Variants in BACH2 observed in about 807,000 individuals in gnomAD.
BACH2 encodes the protein transcription regulator protein BACH2.
Under a neutral mutation model 61.8 loss-of-function variants are expected in BACH2, and 5 were observed. The observed-to-expected ratio is 0.08, with a 90% confidence interval of 0.04 to 0.17. The LOEUF (loss-of-function observed/expected upper bound fraction) is 0.17. Ranked by LOEUF, BACH2 falls within the 10% of genes least tolerant of loss-of-function variation. The pLI is 1.00. For synonymous variants in BACH2, 446 were observed against 440.1 expected (o/e 1.01, Z -0.17); for missense variants, 824 against 1,091.1 (o/e 0.76, Z 3.45).
At position 90,008,983 on chromosome 6, in the gene BACH2, A is replaced by T; in HGVS notation, c.-12-127T>A. Reference sequence around the variant, plus strand: ...GTCCCACTGCCATGAGCATGGCAGGAAGGAGGGGAATTACCAATCAGCATA... The same window carrying T: ...GTCCCACTGCCATGAGCATGGCAGGTAGGAGGGGAATTACCAATCAGCATA... On this transcript the variant is annotated intron_variant, in intron 5 of 8. Coordinates refer to ENST00000257749, the MANE Select transcript of BACH2 (RefSeq NM_021813.4). The surrounding 1 kb of genome is among the most constrained non-coding windows in gnomAD (Gnocchi z 4.1). 1 of 1,111,002 alleles carries T rather than the reference A, an allele frequency of 9.0e-7. No homozygotes were observed. The highest frequency in any genetic ancestry group is 1.3e-6 in the Non-Finnish European group (1 of 796,266). The allele number at this position is 1,111,002 out of a possible 1,614,324, so 68.8% of individuals were successfully genotyped here. A position where few individuals can be genotyped will look rare whatever the true frequency, so the allele number is the denominator to read the frequency against.
chr6:90,057,027 T>C (rs1218452311), intron 5 of BACH2, among the ~76,000 whole-genome samples: 2 of 151,842 alleles, frequency 1.3e-5, no homozygotes, highest in Non-Finnish European at 2.9e-5. Context: ...GCAGGAGAGA[T>C]CTAAAATTGA....
In BACH2 at chr6:90,107,662, G is replaced by C. The variant is rs574080877; in HGVS notation, c.-161-18553C>G. Among the ~76,000 whole-genome samples, 12 of 120,952 alleles carry C rather than the reference G, an allele frequency of 9.9e-5. 1 individual carries two copies. The East Asian group carries it at 2.1e-3, about 21-fold the overall frequency. The allele number at this position is 120,952 out of a possible 152,430, so 79.3% of individuals were successfully genotyped here. A position where few individuals can be genotyped will look rare whatever the true frequency, so the allele number is the denominator to read the frequency against. On this transcript the variant is annotated intron_variant, in intron 4 of 8. Transcript: ENST00000257749. ...TTTATTTCCCACATTCTCTATTTGT[G>C]ATTTTTTTTTTTTTTTTTTTAGTGG... is the stretch of plus-strand genomic sequence containing the variant.
intron 4 of BACH2, among the ~76,000 whole-genome samples, chr6:90,103,585 C>T (rs1401749147): frequency 2.0e-5 from 3 of 152,168 alleles, no homozygotes; most frequent in Non-Finnish European, 4.4e-5. Flanking sequence ...CATCAGTTCC[C>T]TTTACGCCCT....
intron 5 of BACH2, among the ~76,000 whole-genome samples, chr6:90,031,756 T>C (rs989517489): frequency 6.6e-6 from 1 of 152,130 alleles, no homozygotes; most frequent in Non-Finnish European, 1.5e-5. Context: ...GAAGAATCAA[T>C]ATCATGAAAA....
In BACH2 at chr6:89,950,506, C is replaced by T. The variant is rs1432629832; in HGVS notation, c.1600G>A (p.Gly534Arg). Residue 534 changes from glycine to arginine, a missense_variant, in exon 7 of 9, where the codon GGG (glycine) becomes AGG (arginine). Physicochemically the swap from Gly to Arg is moderately radical, Grantham distance 125. Transcript: ENST00000257749. The surrounding 1 kb of genome is among the most constrained non-coding windows in gnomAD (Gnocchi z 5.3). ...SSYSYAEDGS[G>R]GSPCSLPLCE... ...AGAGGGAGGCTGCAGGGTGAGCCCC[C>T]GCTCCCGTCCTCCGCGTAGGAATAG... 4.3e-6 allele frequency: 7 copies of T among 1,613,782 alleles called. No homozygotes were observed. The highest frequency in any genetic ancestry group is 1.7e-5 in the Admixed American group (1 of 59,984).
In BACH2 at chr6:90,230,143, G is replaced by A. The variant is rs1770047595; in HGVS notation, c.-275+22370C>T. ...CACAGGCAGAGAGGTTTTGAGAAAG[G>A]ATGCTGAGGCCATACTACGTGGGTT... On this transcript the variant is annotated intron_variant, in intron 3 of 8. Coordinates refer to ENST00000257749, the MANE Select transcript of BACH2 (RefSeq NM_021813.4). Among the ~76,000 whole-genome samples the A allele has an allele frequency of 3.9e-5, 6 of 152,312 alleles. No individual in the cohort carries two copies. The South Asian group carries it at 1.2e-3, about 32-fold the overall frequency.
intron 4 of BACH2, among the ~76,000 whole-genome samples, chr6:90,188,101 T>A (rs930919904): frequency 1.3e-5 from 2 of 152,250 alleles, no homozygotes; most frequent in Non-Finnish European, 2.9e-5. Flanking sequence ...GCTGTCATAA[T>A]CAGGAACATC....
intron 2 of BACH2, among the ~76,000 whole-genome samples, chr6:90,260,000 C>T (rs1005946845): frequency 6.6e-6 from 1 of 151,436 alleles, no homozygotes; most frequent in East Asian, 1.9e-4. Context: ...AAAAAAAAAC[C>T]CAACTCTTAA....
chr6:90,120,238 GTCCATGATGGTCACC>G lies in BACH2; in HGVS notation c.-161-31144_-161-31130del, dbSNP rs145330180. Among the ~76,000 whole-genome samples, 822 of 152,272 alleles carry G rather than the reference GTCCATGATGGTCACC, an allele frequency of 5.4e-3. 11 individuals are homozygous for G. The highest frequency in any genetic ancestry group is 0.019 in the African/African-American group (780 of 41,554). ...TTTAAATCAAACATCATAGGAAGAG[GTCCATGATGGTCACC>G]ACTCTCATGGGATGAAATGTCTTTG... On this transcript the variant is annotated intron_variant, in intron 4 of 8. Transcript: ENST00000257749.
chr6:90,106,077 C>G (rs575789419), intron 4 of BACH2, among the ~76,000 whole-genome samples: 1 of 152,292 alleles, frequency 6.6e-6, no homozygotes, highest in Admixed American at 6.5e-5. Flanking sequence ...TTTTCTTTTT[C>G]TCTTTGAGAC....
intron 5 of BACH2, among the ~76,000 whole-genome samples, chr6:90,059,723 C>G (rs972541780): frequency 6.6e-6 from 1 of 151,938 alleles, no homozygotes; most frequent in Non-Finnish European, 1.5e-5. Flanking sequence ...TTGGTACCAA[C>G]CCAAATGTCC....
At chr6:90,046,301 T>A (rs1386210541) in intron 5 of BACH2, among the ~76,000 whole-genome samples, 1 of 152,208 alleles carries the variant, frequency 6.6e-6, no homozygotes, top group East Asian at 1.9e-4. Flanking sequence ...GCCACTTTGC[T>A]AAGTGCTGGG....
intron 5 of BACH2, chr6:90,080,860 C>T (rs987674372): frequency 2.7e-5 from 21 of 786,342 alleles, no homozygotes; most frequent in East Asian, 2.5e-4. Context: ...GCGCGGTACT[C>T]GAGCAGCTCT....
At chr6:90,024,859 C>T (rs934807669) in intron 5 of BACH2, among the ~76,000 whole-genome samples, 6 of 152,184 alleles carry the variant, frequency 3.9e-5, no homozygotes, top group Admixed American at 3.9e-4. Flanking sequence ...CAGTGCCCAT[C>T]AGTACTGAGC....
chr6:90,245,783 G>A (rs749175460), intron 3 of BACH2, among the ~76,000 whole-genome samples: 2 of 152,076 alleles, frequency 1.3e-5, no homozygotes, highest in Non-Finnish European at 2.9e-5. Flanking sequence ...TTTGAAACAA[G>A]AGAAGTCTGA....
chr6:90,054,293 TA>T (rs1780206436), intron 5 of BACH2, among the ~76,000 whole-genome samples: 1 of 152,144 alleles, frequency 6.6e-6, no homozygotes, highest in Non-Finnish European at 1.5e-5. Context: ...CAAATGGGCT[TA>T]AAAAATGGCA....
chr6:90,176,709 T>C (rs938831796), intron 4 of BACH2, among the ~76,000 whole-genome samples: 1 of 152,130 alleles, frequency 6.6e-6, no homozygotes, highest in Non-Finnish European at 1.5e-5. Flanking sequence ...TCCAAATCAG[T>C]TTTGGTGACA....
intron 5 of BACH2, among the ~76,000 whole-genome samples, chr6:90,054,399 G>C (rs1780213519): frequency 2.0e-5 from 3 of 152,192 alleles, no homozygotes; most frequent in Admixed American, 2.0e-4. Flanking sequence ...CAAACTGCAA[G>C]GCGGCAGCGA....
At chr6:90,109,122 C>T (rs1279709331) in intron 4 of BACH2, among the ~76,000 whole-genome samples, 1 of 152,178 alleles carries the variant, frequency 6.6e-6, no homozygotes, top group Admixed American at 6.5e-5. Context: ...TTACTTGCTG[C>T]CATTATTTCC....
Sources: gnomAD v4.1 joint callset for allele counts (sites outside exome capture counted in the v4.1 genomes callset) on GRCh38, gnomAD v4.1.1 for gene constraint, Gnocchi (gnomAD v3.1) non-coding constraint, MANE v1.5 for transcripts, NCBI Gene and HGNC (gene_info 2026-07-23, HGNC 2026-07-21) for gene names.